Variants in CAB39L observed in about 807,000 individuals in gnomAD.
The protein encoded by CAB39L is calcium-binding protein 39-like.
In CAB39L, 23 loss-of-function variants were observed where a neutral mutation model predicts 39.1. The ratio of observed to expected loss-of-function variants is 0.59; its 90% CI spans 0.42 to 0.83. The LOEUF is 0.83. CAB39L is among the 40% of genes least tolerant of loss of function. The pLI, the probability that CAB39L is intolerant of heterozygous loss-of-function variation, is 0.00. For synonymous variants in CAB39L, 126 were observed against 137.2 expected (o/e 0.92, Z 0.57); for missense variants, 366 against 391.9 (o/e 0.93, Z 0.56).
intron 10 of CAB39L, among the ~76,000 whole-genome samples, chr13:49,329,599 T>A (rs1432300742): frequency 5.6e-5 from 7 of 124,808 alleles, no homozygotes; most frequent in East Asian, 4.8e-4. Context: ...ATATATATAA[T>A]GATGTAATAA....
At chr13:49,375,260 A>C (rs180981705) in intron 5 of CAB39L, among the ~76,000 whole-genome samples, 1 of 152,272 alleles carries the variant, frequency 6.6e-6, no homozygotes, top group African/African-American at 2.4e-5. Context: ...ACTTAAGCTC[A>C]AAGAGGTTAA....
At chr13:49,396,694 C>T (rs780071543) in intron 3 of CAB39L, among the ~76,000 whole-genome samples, 2 of 151,698 alleles carry the variant, frequency 1.3e-5, no homozygotes, top group African/African-American at 4.8e-5. Flanking sequence ...GGTGATATAG[C>T]GAGATTCCAT....
At chr13:49,329,241 T>C (rs1053121062) in intron 10 of CAB39L, among the ~76,000 whole-genome samples, 3 of 152,160 alleles carry the variant, frequency 2.0e-5, no homozygotes, top group African/African-American at 7.2e-5. Flanking sequence ...GAAGATTACT[T>C]CCTTCTTCAA....
chr13:49,329,548 TATATATA>T (rs1205570655), intron 10 of CAB39L, among the ~76,000 whole-genome samples: 1 of 9,576 alleles, frequency 1.0e-4, no homozygotes, highest in Non-Finnish European at 1.9e-4. Flanking sequence ...AAAAAAAATA[TATATATA>T]TATATATATA....
chr13:49,441,668 C>T (rs574072674), intron 1 of CAB39L, among the ~76,000 whole-genome samples: 14 of 152,210 alleles, frequency 9.2e-5, no homozygotes, highest in Admixed American at 2.6e-4. Context: ...CAGTTTTGGC[C>T]ATTACAAATA....
intron 3 of CAB39L, among the ~76,000 whole-genome samples, chr13:49,395,682 T>C (rs1594051399): frequency 6.6e-6 from 1 of 152,332 alleles, no homozygotes; most frequent in East Asian, 1.9e-4. Flanking sequence ...GATTTTGTAG[T>C]AGATTTTGGC....
intron 3 of CAB39L, among the ~76,000 whole-genome samples, chr13:49,396,649 A>T (rs2138639802): frequency 1.3e-5 from 2 of 152,286 alleles, no homozygotes; most frequent in East Asian, 3.9e-4. Flanking sequence ...CGGAGGTTGC[A>T]GTGAGCCAAG....
chr13:49,422,938 C>T (rs1415941169), intron 3 of CAB39L, among the ~76,000 whole-genome samples: 1 of 152,092 alleles, frequency 6.6e-6, no homozygotes, highest in Non-Finnish European at 1.5e-5. Context: ...TGAGATGATA[C>T]TAGGTCATTT....
At chr13:49,369,412 G>C (rs1033854516) in intron 5 of CAB39L, among the ~76,000 whole-genome samples, 1 of 152,184 alleles carries the variant, frequency 6.6e-6, no homozygotes, top group Admixed American at 6.5e-5. Context: ...ACATGGCAAC[G>C]ACATGGATGA....
At chr13:49,441,243 A>T (rs1246059210) in intron 1 of CAB39L, among the ~76,000 whole-genome samples, 2 of 143,800 alleles carry the variant, frequency 1.4e-5, no homozygotes, top group East Asian at 4.0e-4. Context: ...ATATATATAT[A>T]TTCCCTTTTC....
At chr13:49,413,735 G>A (rs1274007355) in intron 3 of CAB39L, 1 of 152,110 alleles carries the variant, frequency 6.6e-6, no homozygotes, top group Non-Finnish European at 1.5e-5. Flanking sequence ...CTTTTAACTG[G>A]CTTCTACAAG....
intron 4 of CAB39L, among the ~76,000 whole-genome samples, chr13:49,380,746 A>C (rs1163140950): frequency 6.6e-6 from 1 of 152,220 alleles, no homozygotes; most frequent in African/African-American, 2.4e-5. Flanking sequence ...TTGTCTGAAT[A>C]TTTTAAAGAA....
intron 5 of CAB39L, among the ~76,000 whole-genome samples, chr13:49,372,636 C>T (rs1471373868): frequency 2.0e-5 from 3 of 152,044 alleles, no homozygotes; most frequent in East Asian, 1.9e-4. Context: ...AGAAAACCAC[C>T]CCTTCTTCAC....
intron 10 of CAB39L, among the ~76,000 whole-genome samples, chr13:49,329,547 ATATATATATATATATAT>A (rs1954619501): frequency 0.046 from 1,515 of 33,054 alleles, 148 homozygotes; most frequent in South Asian, 0.076. Context: ...AAAAAAAAAT[ATATATATATATATATAT>A]ATATATATAT....
At chr13:49,327,085 A>G (rs1413093064) in intron 10 of CAB39L, among the ~76,000 whole-genome samples, 1 of 152,138 alleles carries the variant, frequency 6.6e-6, no homozygotes, top group Middle Eastern at 3.2e-3. Context: ...GAAGAGTACA[A>G]GAGTAACATA....
chr13:49,375,232 T>C (rs1257065755), intron 5 of CAB39L, among the ~76,000 whole-genome samples: 2 of 152,176 alleles, frequency 1.3e-5, no homozygotes, highest in Non-Finnish European at 2.9e-5. Flanking sequence ...GTATTATTCC[T>C]ATTTTATAGA....
chr13:49,364,442 A>G (rs1955718357), intron 5 of CAB39L, among the ~76,000 whole-genome samples: 1 of 152,234 alleles, frequency 6.6e-6, no homozygotes, highest in Admixed American at 6.5e-5. Context: ...TCTTAGCCAG[A>G]GCAATCAAAC....
intron 3 of CAB39L, among the ~76,000 whole-genome samples, chr13:49,406,990 A>G (rs553807836): frequency 6.6e-6 from 1 of 152,356 alleles, no homozygotes; most frequent in South Asian, 2.1e-4. Flanking sequence ...TTTACGTGTT[A>G]TAAAAACAAA....
chr13:49,359,693 GA>G lies in CAB39L; in HGVS notation c.395+20del. On this transcript the variant is annotated intron_variant, in intron 6 of 10. Coordinates refer to ENST00000409308, the MANE Select transcript of CAB39L (RefSeq NM_001079670.3). ...AACTATTAAAAACTTAGCCCTACTT[GA>G]AAGGAAGCCATGTACCTACCCTTTG... The G allele has an allele frequency of 7.5e-7, 1 of 1,337,054 alleles. No individual in the cohort carries two copies. The highest frequency in any genetic ancestry group is 1.1e-6 in the Non-Finnish European group (1 of 941,672). 82.8% of individuals were successfully genotyped at this position (1,337,054 alleles called of 1,614,324 possible).
Sources: allele counts gnomAD v4.1 joint callset (sites outside exome capture counted in the v4.1 genomes callset), GRCh38; gene constraint gnomAD v4.1.1; transcripts MANE v1.5; gene names NCBI Gene and HGNC (gene_info 2026-07-23, HGNC 2026-07-21).